Variants in CDYL2 observed in about 807,000 individuals in gnomAD.
CDYL2 encodes chromodomain Y-like protein 2.
In CDYL2, 23 loss-of-function variants were observed where a neutral mutation model predicts 49.4. The observed-to-expected ratio is 0.47, with a 90% CI of 0.34 to 0.66. The LOEUF is 0.66. CDYL2 is among the 30% of genes least tolerant of loss of function. The pLI, the probability that CDYL2 is intolerant of heterozygous loss-of-function variation, is 0.01. For missense variants in CDYL2, 678 were observed against 656.4 expected (o/e 1.03, Z -0.36); for synonymous variants, 360 against 268.8 (o/e 1.34, Z -3.32).
intron 2 of CDYL2, among the ~76,000 whole-genome samples, chr16:80,646,282 C>CA (rs1178361704): frequency 1.3e-5 from 2 of 151,348 alleles, no homozygotes; most frequent in African/African-American, 2.4e-5. Flanking sequence ...ATAATGAATA[C>CA]AAAAAAATTA....
chr16:80,677,083 ACCTCAGCTC>A (rs1909780054), intron 2 of CDYL2, among the ~76,000 whole-genome samples: 1 of 138,738 alleles, frequency 7.2e-6, no homozygotes. Flanking sequence ...TGATCCTCCC[ACCTCAGCTC>A]CCTGGAAAGC....
At chr16:80,653,248 C>T (rs1355499933) in intron 2 of CDYL2, among the ~76,000 whole-genome samples, 1 of 152,108 alleles carries the variant, frequency 6.6e-6, no homozygotes, top group Non-Finnish European at 1.5e-5. Context: ...GGCGGATCAC[C>T]TGAGGTCAGG....
At chr16:80,715,336 A>C (rs1904761077) in intron 1 of CDYL2, among the ~76,000 whole-genome samples, 1 of 152,162 alleles carries the variant, frequency 6.6e-6, no homozygotes, top group African/African-American at 2.4e-5. Flanking sequence ...ACAATGATTG[A>C]GGGCTCTGGA....
chr16:80,794,124 T>C (rs1907693616), intron 1 of CDYL2, among the ~76,000 whole-genome samples: 1 of 152,216 alleles, frequency 6.6e-6, no homozygotes, highest in Non-Finnish European at 1.5e-5. Context: ...ATTGTCCCCA[T>C]TCCTTCTCTC....
chr16:80,748,122 A>AAATAATAAT (rs71143647), intron 1 of CDYL2, among the ~76,000 whole-genome samples: 352 of 135,988 alleles, frequency 2.6e-3, no homozygotes, highest in Admixed American at 4.3e-3. Context: ...TGGGAAGATT[A>AAATAATAAT]AATAATAATA....
chr16:80,690,560 G>A (rs1009452548), intron 1 of CDYL2, among the ~76,000 whole-genome samples: 7 of 152,206 alleles, frequency 4.6e-5, no homozygotes, highest in Non-Finnish European at 8.8e-5. Flanking sequence ...ACTTTGGTAA[G>A]CACAGAAGAG....
chr16:80,635,740 G>C (rs554278819), intron 2 of CDYL2, among the ~76,000 whole-genome samples: 22 of 152,264 alleles, frequency 1.4e-4, no homozygotes, highest in African/African-American at 5.3e-4. Flanking sequence ...AGCCAAAAAA[G>C]AGTCTGTATA....
chr16:80,618,580 G>C (rs1401144989), intron 4 of CDYL2, among the ~76,000 whole-genome samples: 2 of 152,136 alleles, frequency 1.3e-5, no homozygotes, highest in Non-Finnish European at 2.9e-5. Flanking sequence ...CTGACCCCCT[G>C]GGTACCCTGT....
intron 1 of CDYL2, among the ~76,000 whole-genome samples, chr16:80,706,064 T>G (rs868416024): frequency 7.9e-5 from 12 of 152,254 alleles, no homozygotes; most frequent in Admixed American, 6.5e-5. Context: ...TAGCATCCAG[T>G]GTAGAAGACT....
At chr16:80,670,832 T>C (rs1420022732) in intron 2 of CDYL2, 4 of 446,044 alleles carry the variant, frequency 9.0e-6, no homozygotes, top group Non-Finnish European at 1.8e-5. Context: ...CACAGTCGGG[T>C]TGCACACGAG....
chr16:80,611,776 C>T (rs1385162676), intron 5 of CDYL2, among the ~76,000 whole-genome samples: 1 of 152,216 alleles, frequency 6.6e-6, no homozygotes, highest in African/African-American at 2.4e-5. Flanking sequence ...GCGTTGACAG[C>T]CCAGCCCAGC....
intron 1 of CDYL2, among the ~76,000 whole-genome samples, chr16:80,713,182 G>C (rs370565549): frequency 1.3e-5 from 2 of 152,148 alleles, no homozygotes; most frequent in Non-Finnish European, 2.9e-5. Flanking sequence ...ATAATGCCCT[G>C]TGCAATGTCT....
chr16:80,640,188 C>T (rs1482522125), intron 2 of CDYL2, among the ~76,000 whole-genome samples: 1 of 152,162 alleles, frequency 6.6e-6, no homozygotes, highest in Non-Finnish European at 1.5e-5. Flanking sequence ...GACTGCACAC[C>T]TCAAGTATCC....
At chr16:80,696,722 A>T (rs1910626918) in intron 1 of CDYL2, among the ~76,000 whole-genome samples, 1 of 151,740 alleles carries the variant, frequency 6.6e-6, no homozygotes, top group Admixed American at 6.6e-5. Flanking sequence ...AGAGTAATAA[A>T]AAAAAAAAGC....
chr16:80,740,535 G>A (rs1433032164), intron 1 of CDYL2, among the ~76,000 whole-genome samples: 2 of 151,930 alleles, frequency 1.3e-5, no homozygotes, highest in Non-Finnish European at 2.9e-5. Flanking sequence ...AATGCAATAA[G>A]GCAGGAAATA....
intron 1 of CDYL2, among the ~76,000 whole-genome samples, chr16:80,716,810 A>T (rs949926714): frequency 6.6e-6 from 1 of 151,508 alleles, no homozygotes; most frequent in African/African-American, 2.4e-5. Context: ...GGGGTGACTG[A>T]ATGAATGGCT....
In CDYL2 at chr16:80,604,219, T is replaced by C; in HGVS notation, c.*169A>G. 1 of 717,318 alleles carries C rather than the reference T, an allele frequency of 1.4e-6. No individual in the cohort carries two copies. Among genetic ancestry groups the C allele is most frequent in the Non-Finnish European group, 2.3e-6 (1 of 436,292 alleles). The allele number at this position is 717,318 out of a possible 1,614,324, so 44.4% of individuals were successfully genotyped here. A position where few individuals can be genotyped will look rare whatever the true frequency, so the allele number is the denominator to read the frequency against. On this transcript the variant is annotated 3_prime_UTR_variant, in exon 7 of 7. Coordinates refer to ENST00000570137, the MANE Select transcript of CDYL2 (RefSeq NM_152342.4). Reference sequence around the variant, plus strand: ...CCAAGTATGCTGCGTTTTCCATCCATTACACAAAATCAAACCAAGGAGGAG... The same window carrying C: ...CCAAGTATGCTGCGTTTTCCATCCACTACACAAAATCAAACCAAGGAGGAG...
At chr16:80,648,194 A>T (rs576343689) in intron 2 of CDYL2, among the ~76,000 whole-genome samples, 1 of 152,304 alleles carries the variant, frequency 6.6e-6, no homozygotes, top group Admixed American at 6.5e-5. Context: ...AAAGAAGAAA[A>T]TACAAAAGAT....
intron 1 of CDYL2, among the ~76,000 whole-genome samples, chr16:80,799,247 T>C (rs531915292): frequency 6.6e-6 from 1 of 152,298 alleles, no homozygotes; most frequent in South Asian, 2.1e-4. Flanking sequence ...AATAGTTCTC[T>C]TAGATATTAT....
Sources: allele counts gnomAD v4.1 joint callset (sites outside exome capture counted in the v4.1 genomes callset), GRCh38; gene constraint gnomAD v4.1.1; transcripts MANE v1.5; gene names NCBI Gene and HGNC (gene_info 2026-07-23, HGNC 2026-07-21).